The following DLGAP2 variants were observed in gnomAD, a reference collection of about 807,000 sequenced individuals.
The protein encoded by DLGAP2 is disks large-associated protein 2.
In DLGAP2, 26 loss-of-function variants were observed where a neutral mutation model predicts 100.3. That is an observed-to-expected ratio of 0.26 (90% CI 0.19 to 0.36). The LOEUF is 0.36. DLGAP2 is among the 10% of genes least tolerant of loss of function. The pLI is 1.00. For synonymous variants in DLGAP2, 886 were observed against 630.1 expected, an observed-to-expected ratio of 1.41 and a Z score of -6.08; for missense variants, 1,858 against 1,453.2, an observed-to-expected ratio of 1.28 and a Z score of -4.53.
intron 1 of DLGAP2, among the ~76,000 whole-genome samples, chr8:856,211 G>A (rs1274341843): frequency 1.0e-5 from 1 of 97,806 alleles, no homozygotes; most frequent in Non-Finnish European, 2.0e-5. Flanking sequence ...TTTTTGAGAT[G>A]GAGTTTCGCT....
intron 2 of DLGAP2, among the ~76,000 whole-genome samples, chr8:957,758 A>C (rs1799628887): frequency 6.6e-6 from 1 of 152,250 alleles, no homozygotes. Context: ...TTATTCCAGC[A>C]GAAATGAACA....
At chr8:1,190,433 ATCTGCTG>A (rs1797607772) in intron 2 of DLGAP2, among the ~76,000 whole-genome samples, 2 of 110,488 alleles carry the variant, frequency 1.8e-5, no homozygotes, top group Non-Finnish European at 4.1e-5. Flanking sequence ...CTGTTGGGGC[ATCTGCTG>A]TTGGAGTCGC....
At chr8:872,246 A>G (rs116014036) in intron 1 of DLGAP2, among the ~76,000 whole-genome samples, 6,749 of 151,922 alleles carry the variant, frequency 0.044, 248 homozygotes, top group African/African-American at 0.09. Flanking sequence ...AGCCAGAACT[A>G]TTAGGACAGA....
rs549286468 is a variant in DLGAP2, at chr8:1,189,041, G to A, written c.74-69810G>A. Among the ~76,000 whole-genome samples, 63 of 147,146 alleles carry A rather than the reference G, an allele frequency of 4.3e-4. 1 individual carries two copies. In the South Asian group the frequency reaches 5.0e-3, roughly 12 times the overall value. ...AGGGTTCGGGCCCCATGGCGGTTCC[G>A]CTGTTGGGGTTGAGCATACACAGGG... On this transcript the variant is annotated intron_variant, in intron 2 of 14. Coordinates refer to ENST00000637795, the MANE Select transcript of DLGAP2 (RefSeq NM_001346810.2).
At chr8:1,198,500 A>G (rs1174268603) in intron 2 of DLGAP2, among the ~76,000 whole-genome samples, 1 of 152,020 alleles carries the variant, frequency 6.6e-6, no homozygotes, top group Non-Finnish European at 1.5e-5. Context: ...GTCCAGAAGG[A>G]TGAGCATCCC....
At chr8:891,925 T>G (rs1325006635) in intron 1 of DLGAP2, among the ~76,000 whole-genome samples, 8 of 152,180 alleles carry the variant, frequency 5.3e-5, no homozygotes, top group Non-Finnish European at 1.2e-4. Flanking sequence ...CACAGGTGTC[T>G]GGGGGCTGCG....
At chr8:957,668 A>G (rs1191630873) in intron 2 of DLGAP2, among the ~76,000 whole-genome samples, 1 of 152,202 alleles carries the variant, frequency 6.6e-6, no homozygotes, top group African/African-American at 2.4e-5. Context: ...GTCATTAATG[A>G]CAGTATCTCT....
At chr8:1,253,365 G>C (rs1799093704) in intron 2 of DLGAP2, among the ~76,000 whole-genome samples, 1 of 152,200 alleles carries the variant, frequency 6.6e-6, no homozygotes, top group South Asian at 2.1e-4. Flanking sequence ...CCCTCCCCGG[G>C]TTGGTGTCAG....
intron 1 of DLGAP2, among the ~76,000 whole-genome samples, chr8:804,386 C>T (rs538551340): frequency 7.9e-5 from 12 of 152,306 alleles, no homozygotes; most frequent in Middle Eastern, 3.4e-3. Flanking sequence ...ACACATATCC[C>T]GGCCCTCCTG....
At chr8:1,266,726 G>T (rs1006493933) in intron 3 of DLGAP2, among the ~76,000 whole-genome samples, 4 of 152,040 alleles carry the variant, frequency 2.6e-5, no homozygotes, top group Non-Finnish European at 5.9e-5. Flanking sequence ...AGGGGGGAGG[G>T]GAGTGTTGAG....
At chr8:947,863 G>A (rs1420457512) in intron 2 of DLGAP2, among the ~76,000 whole-genome samples, 2 of 149,010 alleles carry the variant, frequency 1.3e-5, no homozygotes, top group South Asian at 2.1e-4. Flanking sequence ...TGTGTGCCAT[G>A]GCTCCCCAAC....
At chr8:1,641,883 G>A (rs114530848) in intron 8 of DLGAP2, among the ~76,000 whole-genome samples, 6,702 of 124,304 alleles carry the variant, frequency 0.054, 537 homozygotes, top group African/African-American at 0.2. Flanking sequence ...CGAACCCGCC[G>A]GTCCTCACCT....
chr8:1,514,414 C>G (rs904054655), intron 4 of DLGAP2, among the ~76,000 whole-genome samples: 4 of 152,222 alleles, frequency 2.6e-5, no homozygotes, highest in African/African-American at 4.8e-5. Context: ...TTAAGCTCCA[C>G]TTTTAAAACT....
intron 3 of DLGAP2, among the ~76,000 whole-genome samples, chr8:1,450,800 G>A (rs1798138652): frequency 6.6e-6 from 1 of 152,048 alleles, no homozygotes; most frequent in Non-Finnish European, 1.5e-5. Context: ...AGACAGAAAA[G>A]TACTATTTGG....
At chr8:1,243,273 C>T (rs28590311) in intron 2 of DLGAP2, among the ~76,000 whole-genome samples, 81,250 of 151,992 alleles carry the variant, frequency 0.53, 22,434 homozygotes, top group Middle Eastern at 0.66. Flanking sequence ...AGGGAAGGGG[C>T]TGGTGCCCTG....
chr8:829,767 C>A (rs916765598), intron 1 of DLGAP2, among the ~76,000 whole-genome samples: 1 of 152,154 alleles, frequency 6.6e-6, no homozygotes, highest in African/African-American at 2.4e-5. Context: ...CATATAGGTT[C>A]ATAATTTATA....
intron 2 of DLGAP2, among the ~76,000 whole-genome samples, chr8:1,027,625 G>C (rs1314632977): frequency 1.4e-5 from 2 of 146,268 alleles, no homozygotes; most frequent in African/African-American, 5.1e-5. Context: ...GGGGTGTCAG[G>C]CGCCCGTTAT....
chr8:1,419,212 G>C (rs1310143866), intron 3 of DLGAP2, among the ~76,000 whole-genome samples: 2 of 98,780 alleles, frequency 2.0e-5, no homozygotes, highest in Non-Finnish European at 5.2e-5. Context: ...GTGCGTGTGT[G>C]TGTGTGTGTG....
intron 3 of DLGAP2, among the ~76,000 whole-genome samples, chr8:1,384,206 C>G (rs1471933759): frequency 6.6e-6 from 1 of 152,250 alleles, no homozygotes; most frequent in Non-Finnish European, 1.5e-5. Context: ...ATGAAGTGGC[C>G]TTGGATGCCA....
Sources: gnomAD v4.1 joint callset for allele counts (sites outside exome capture counted in the v4.1 genomes callset) on GRCh38, gnomAD v4.1.1 for gene constraint, MANE v1.5 for transcripts, NCBI Gene and HGNC (gene_info 2026-07-23, HGNC 2026-07-21) for gene names.